SMOC2: variants seen among roughly 807,000 people sequenced by gnomAD.
SMOC2 encodes the protein SPARC related modular calcium binding 2.
In SMOC2, 39 loss-of-function variants were observed where a neutral mutation model predicts 61.4. The observed-to-expected ratio is 0.64, with a 90% CI of 0.49 to 0.83. The LOEUF (loss-of-function observed/expected upper bound fraction) is 0.83, where lower values mean the gene tolerates loss of function less well. Among genes scored for constraint, SMOC2 ranks in the 40% least tolerant of loss-of-function variants. The probability of loss-of-function intolerance (pLI) is 0.00; values close to 1 mark genes in which losing one functional copy is unlikely to be tolerated. For missense variants in SMOC2, 556 were observed against 592.9 expected, an observed-to-expected ratio of 0.94 and a Z score of 0.65; for synonymous variants, 247 against 239.9, an observed-to-expected ratio of 1.03 and a Z score of -0.27.
intron 9 of SMOC2, among the ~76,000 whole-genome samples, chr6:168,609,131 A>T (rs2115205443): frequency 6.6e-6 from 1 of 152,350 alleles, no homozygotes; most frequent in Admixed American, 6.5e-5. Context: ...GCGATTCCAC[A>T]ACATGAGTAA....
intron 11 of SMOC2, among the ~76,000 whole-genome samples, chr6:168,660,637 C>T (rs765591616): frequency 7.9e-5 from 12 of 152,162 alleles, no homozygotes; most frequent in Admixed American, 1.3e-4. Flanking sequence ...GCAGGTTCAG[C>T]GCAGGTCAGC....
At position 168,548,369 on chromosome 6, in the gene SMOC2, T is replaced by TG. The variant is rs11389645; in HGVS notation, c.563-759dup. Among the ~76,000 whole-genome samples the TG allele has an allele frequency of 6.6e-3, 986 of 150,342 alleles. 10 individuals carry two copies. The highest frequency in any genetic ancestry group is 0.023 in the African/African-American group (939 of 40,666). On this transcript the variant is annotated intron_variant, in intron 6 of 12. Coordinates refer to ENST00000356284, the MANE Select transcript of SMOC2 (RefSeq NM_001166412.2). ...TACATTCCTTTTTTTTTTTTTTTTT[T>TG]GTGAGACAGAGTTTTGCTTTTGTTG...
chr6:168,541,039 G>A (rs1044072900), intron 4 of SMOC2, among the ~76,000 whole-genome samples: 2 of 152,202 alleles, frequency 1.3e-5, no homozygotes, highest in South Asian at 4.1e-4. Flanking sequence ...GGCTGAGAGC[G>A]GCTGGATTTG....
At chr6:168,499,855 CA>C (rs1782681857) in intron 1 of SMOC2, among the ~76,000 whole-genome samples, 1 of 152,172 alleles carries the variant, frequency 6.6e-6, no homozygotes. Context: ...GTTAATTAAT[CA>C]CTCTGTTTCC....
chr6:168,459,541 A>AGGGTGGGTGAGCCCTG (rs1327198708), intron 1 of SMOC2, among the ~76,000 whole-genome samples: 1 of 112,136 alleles, frequency 8.9e-6, no homozygotes, highest in African/African-American at 3.4e-5. Context: ...CTAGAGCCCC[A>AGGGTGGGTGAGCCCTG]GGGTGGGTGA....
intron 7 of SMOC2, among the ~76,000 whole-genome samples, chr6:168,567,488 C>G (rs1471635863): frequency 1.3e-5 from 2 of 151,038 alleles, no homozygotes; most frequent in Non-Finnish European, 2.9e-5. Context: ...AAAATACTGC[C>G]TTTTATTTGT....
chr6:168,534,441 G>C (rs1361125029), intron 4 of SMOC2, among the ~76,000 whole-genome samples: 1 of 152,226 alleles, frequency 6.6e-6, no homozygotes, highest in African/African-American at 2.4e-5. Context: ...GTCTGCCAGG[G>C]CCCGGACTGG....
intron 1 of SMOC2, among the ~76,000 whole-genome samples, chr6:168,451,530 T>C (rs1209223727): frequency 6.6e-6 from 1 of 152,030 alleles, no homozygotes; most frequent in Non-Finnish European, 1.5e-5. Flanking sequence ...CCTGCAGACA[T>C]GATCTCCTGT....
chr6:168,537,615 C>T lies in SMOC2; in HGVS notation c.464-6010C>T, dbSNP rs558249997. 2.6e-5 allele frequency among the ~76,000 whole-genome samples: 4 copies of T among 152,370 alleles called. No individual in the cohort carries two copies. The South Asian group carries it at 8.3e-4, about 32-fold the overall frequency. On this transcript the variant is annotated intron_variant, in intron 4 of 12. Transcript: ENST00000356284. The stretch of plus-strand genomic sequence containing the variant: ...CGTTCTGTTCTTCGCTAGGACTCAC[C>T]CCAGGAGGCCGAGTGGCTGGTTGGC...
chr6:168,490,028 G>A (rs1055691061), intron 1 of SMOC2, among the ~76,000 whole-genome samples: 11 of 150,036 alleles, frequency 7.3e-5, no homozygotes, highest in Non-Finnish European at 1.2e-4. Flanking sequence ...CTGTTTTAGA[G>A]GGAAATATGT....
intron 7 of SMOC2, among the ~76,000 whole-genome samples, chr6:168,573,904 C>T (rs563137990): frequency 7.9e-5 from 12 of 152,356 alleles, no homozygotes; most frequent in Middle Eastern, 6.8e-3. Flanking sequence ...TTGGGTCACA[C>T]GTCCACCCCT....
At chr6:168,500,875 C>A (rs954016397) in intron 1 of SMOC2, among the ~76,000 whole-genome samples, 1 of 152,182 alleles carries the variant, frequency 6.6e-6, no homozygotes, top group Non-Finnish European at 1.5e-5. Context: ...ATAAGAAGCA[C>A]TTTTGTAGCT....
At chr6:168,574,885 C>G (rs1034710813) in intron 7 of SMOC2, among the ~76,000 whole-genome samples, 2 of 152,190 alleles carry the variant, frequency 1.3e-5, no homozygotes, top group African/African-American at 4.8e-5. Context: ...TTGCATGAAC[C>G]AGAACAAAAT....
At chr6:168,647,865 A>T (rs1290675284) in intron 9 of SMOC2, among the ~76,000 whole-genome samples, 4 of 152,208 alleles carry the variant, frequency 2.6e-5, no homozygotes, top group Non-Finnish European at 5.9e-5. Context: ...GGTGACTGTG[A>T]CATGGGACTG....
In SMOC2 at chr6:168,485,315, T is replaced by C. The variant is rs1403419481; in HGVS notation, c.85-24600T>C. On this transcript the variant is annotated intron_variant, in intron 1 of 12. Coordinates refer to ENST00000356284, the MANE Select transcript of SMOC2 (RefSeq NM_001166412.2). Reference sequence around the variant, plus strand: ...GTTCTCTTATGAACCAGTAATTCCTTTCCTAGGTGTATACCAAAAGAATTG... The same window carrying C: ...GTTCTCTTATGAACCAGTAATTCCTCTCCTAGGTGTATACCAAAAGAATTG... 5.3e-5 allele frequency among the ~76,000 whole-genome samples: 8 copies of C among 152,242 alleles called. No homozygotes were observed. In the East Asian group the frequency reaches 1.5e-3, roughly 29 times the overall value.
At chr6:168,652,236 ATTG>A in intron 10 of SMOC2, among the ~76,000 whole-genome samples, 1 of 152,258 alleles carries the variant, frequency 6.6e-6, no homozygotes, top group African/African-American at 2.4e-5. Flanking sequence ...CAGTAAATGG[ATTG>A]TTATCTGAAA....
At chr6:168,640,375 CG>C (rs1786864810) in intron 9 of SMOC2, among the ~76,000 whole-genome samples, 1 of 151,982 alleles carries the variant, frequency 6.6e-6, no homozygotes, top group Non-Finnish European at 1.5e-5. Context: ...CAGGCTGCGG[CG>C]GGGGGCTGCT....
chr6:168,653,135 G>C lies in SMOC2; in HGVS notation c.1192G>C (p.Val398Leu). 2 of 1,614,188 alleles carry C rather than the reference G, an allele frequency of 1.2e-6. No individual in the cohort carries two copies. The highest frequency in any genetic ancestry group is 1.7e-6 in the Non-Finnish European group (2 of 1,180,030). Reference protein sequence around the residue: ...CVKKFVEYCDVNNDKSISVQE... With the variant: ...CVKKFVEYCDLNNDKSISVQE... ...GAAGAAGTTTGTTGAATACTGTGACGTGAATAATGACAAATCCATCTCCGT... is the reference window on the plus strand; with the variant it reads ...GAAGAAGTTTGTTGAATACTGTGACCTGAATAATGACAAATCCATCTCCGT... The change falls in exon 11 of 13, where the codon GTG (valine) becomes CTG (leucine). Residue 398 changes from valine to leucine, a missense_variant. Val to Leu is a conservative substitution (Grantham distance 32). Transcript: ENST00000356284.
chr6:168,477,110 A>C (rs1167072401), intron 1 of SMOC2, among the ~76,000 whole-genome samples: 1 of 152,234 alleles, frequency 6.6e-6, no homozygotes, highest in African/African-American at 2.4e-5. Context: ...TTTCATTTTC[A>C]TGTGGGTCTG....
Sources: allele counts gnomAD v4.1 joint callset (sites outside exome capture counted in the v4.1 genomes callset), GRCh38; gene constraint gnomAD v4.1.1; transcripts MANE v1.5; gene names NCBI Gene and HGNC (gene_info 2026-07-23, HGNC 2026-07-21).